The following KPNA5 variants were observed in gnomAD, a reference collection of about 807,000 sequenced individuals.
The protein encoded by KPNA5 is importin subunit alpha-6.
In KPNA5, 46 loss-of-function variants were observed where a neutral mutation model predicts 71.3. That is an observed-to-expected ratio of 0.65 (90% CI 0.51 to 0.83). The LOEUF (loss-of-function observed/expected upper bound fraction) is 0.83, where lower values mean the gene tolerates loss of function less well. KPNA5 is among the 40% of genes least tolerant of loss of function. The pLI, the probability that KPNA5 is intolerant of heterozygous loss-of-function variation, is 0.00. For synonymous variants in KPNA5, 207 were observed against 201.4 expected, an observed-to-expected ratio of 1.03 and a Z score of -0.24; for missense variants, 547 against 628.3, an observed-to-expected ratio of 0.87 and a Z score of 1.38.
At position 116,692,445 on chromosome 6, in the gene KPNA5, G is replaced by C; in HGVS notation, c.340+53G>C. 6.3e-6 allele frequency: 7 copies of C among 1,113,672 alleles called. 1 individual carries two copies. Among genetic ancestry groups the C allele is most frequent in the Non-Finnish European group, 9.2e-6 (7 of 759,404 alleles). 69.0% of individuals were successfully genotyped at this position (1,113,672 alleles called of 1,614,324 possible). A position where few individuals can be genotyped will look rare whatever the true frequency, so the allele number is the denominator to read the frequency against. ...TGATATTACACGATTTTTTAGTAGAGGTTTATTTTATTGTTTTTTTTTAAA... is the reference window on the plus strand; with the variant it reads ...TGATATTACACGATTTTTTAGTAGACGTTTATTTTATTGTTTTTTTTTAAA... On this transcript the variant is annotated intron_variant, in intron 4 of 13. Transcript: ENST00000368564.
In KPNA5 at chr6:116,724,373, C is replaced by T. The variant is rs1016690103; in HGVS notation, c.997C>T (p.Gln333Ter). 1 of 1,602,590 alleles carries T rather than the reference C, an allele frequency of 6.2e-7. No individual in the cohort carries two copies. The highest frequency in any genetic ancestry group is 1.3e-5 in the African/African-American group (1 of 74,706). The part of the protein sequence containing the change: ...NIVTGDDIQT[Q>*]VILNCSALPC... ...TGTGACTGGTGATGATATTCAAACA[C>T]AGGTGAGTTCAAACTTGAGTATCAT... The change falls in exon 10 of 14, where the codon CAG becomes TAG. Residue 333 changes from glutamine (Q) to a stop codon, truncating the protein, a stop_gained and splice_region_variant. Coordinates refer to ENST00000368564, the MANE Select transcript of KPNA5 (RefSeq NM_001366306.2). LOFTEE classifies it high-confidence loss of function.
chr6:116,732,287 G>A lies in KPNA5; in HGVS notation c.1584G>A (p.Gln528=). 6.6e-7 allele frequency: 1 copy of A among 1,525,452 alleles called. No homozygotes were observed. Among genetic ancestry groups the A allele is most frequent in the Non-Finnish European group, 8.8e-7 (1 of 1,133,464 alleles). The allele number at this position is 1,525,452 out of a possible 1,614,324, so 94.5% of individuals were successfully genotyped here. ...AAAACCAACAACAGTTTATATTTCA[G>A]CAGCAGGAAGCACCAATGGATGGAT... ...VDENQQQFIF[Q]QQEAPMDGFQ... is the part of the protein sequence containing the mutation. The change falls in exon 14 of 14, where the codon CAG becomes CAA. Residue 528 remains glutamine (Q), a synonymous_variant. Transcript: ENST00000368564.
Position 116,689,462 on chromosome 6 carries a change from T to G in KPNA5, c.138+9T>G, listed in dbSNP as rs745845039. 6.5e-7 allele frequency: 1 copy of G among 1,542,606 alleles called. No homozygotes were observed. Among genetic ancestry groups the G allele is most frequent in the East Asian group, 2.3e-5 (1 of 43,434 alleles). ...AAAAAAGAGAAGAACAGGTAGGTGT[T>G]TTTAGCTATTTAATTTTGTTTTTTA... On this transcript the variant is annotated intron_variant, in intron 2 of 13. Transcript: ENST00000368564.
Position 116,705,054 on chromosome 6 carries a change from ATT to A in KPNA5, c.568-8_568-7del. 7 of 1,243,432 alleles carry A rather than the reference ATT, an allele frequency of 5.6e-6. No homozygotes were observed. The highest frequency in any genetic ancestry group is 7.8e-6 in the Non-Finnish European group (7 of 902,010). The allele number at this position is 1,243,432 out of a possible 1,614,324, so 77.0% of individuals were successfully genotyped here. A position where few individuals can be genotyped will look rare whatever the true frequency, so the allele number is the denominator to read the frequency against. On this transcript the variant is annotated splice_polypyrimidine_tract_variant and intron_variant, in intron 6 of 13. Coordinates refer to ENST00000368564, the MANE Select transcript of KPNA5 (RefSeq NM_001366306.2). The stretch of plus-strand genomic sequence containing the variant: ...TAATTTAAAATATTGTCTTAAGATA[ATT>A]TTTTTTTTTCCTAAGGCTGTTTGGG...
Position 116,741,522 on chromosome 6 carries a change from C to T in KPNA5, c.*9199C>T, listed in dbSNP as rs1779871576. 1 of 152,176 alleles carries T rather than the reference C, an allele frequency of 6.6e-6. No homozygotes were observed. 9.4% of individuals were successfully genotyped at this position (152,176 alleles called of 1,614,324 possible). ...TTGTGGTAGAAATGACAGACTTTTTCATTGAATGATGAGGACACAGCAGCC... is the reference window on the plus strand; with the variant it reads ...TTGTGGTAGAAATGACAGACTTTTTTATTGAATGATGAGGACACAGCAGCC... On this transcript the variant is annotated 3_prime_UTR_variant, in exon 14 of 14. Transcript: ENST00000368564.
intron 5 of KPNA5, among the ~76,000 whole-genome samples, chr6:116,701,552 A>G (rs190287480): frequency 2.6e-5 from 4 of 152,298 alleles, no homozygotes; most frequent in African/African-American, 9.6e-5. Context: ...CTCAACTTCT[A>G]ATTTTTTTGT....
intron 4 of KPNA5, among the ~76,000 whole-genome samples, chr6:116,696,306 A>T (rs1266986424): frequency 6.6e-6 from 1 of 152,196 alleles, no homozygotes; most frequent in Non-Finnish European, 1.5e-5. Flanking sequence ...AGGCCTAGAA[A>T]AATAATAGAT....
chr6:116,695,096 A>G (rs1490712422), intron 4 of KPNA5, among the ~76,000 whole-genome samples: 1 of 152,050 alleles, frequency 6.6e-6, no homozygotes, highest in African/African-American at 2.4e-5. Flanking sequence ...GACGACAGGC[A>G]TGCATCACCA....
chr6:116,713,770 T>C (rs1778788689), intron 7 of KPNA5, among the ~76,000 whole-genome samples: 1 of 152,144 alleles, frequency 6.6e-6, no homozygotes, highest in South Asian at 2.1e-4. Context: ...AATTAACCTA[T>C]CTTAGGGTTG....
chr6:116,712,704 A>G (rs1451050086), intron 7 of KPNA5, among the ~76,000 whole-genome samples: 2 of 152,110 alleles, frequency 1.3e-5, no homozygotes, highest in African/African-American at 4.8e-5. Context: ...GCCTCAAGCG[A>G]TTCTCCTGCA....
Position 116,738,416 on chromosome 6 carries a change from G to C in KPNA5, c.*6093G>C, listed in dbSNP as rs1779746653. On this transcript the variant is annotated 3_prime_UTR_variant, in exon 14 of 14. Coordinates refer to ENST00000368564, the MANE Select transcript of KPNA5 (RefSeq NM_001366306.2). ...ATGGATTCACAGCTGAATTCTACCA[G>C]AGGTACAAGGAGGAACTGGTACCAT... The C allele has an allele frequency of 1.3e-5, 2 of 151,940 alleles. No individual in the cohort carries two copies. The highest frequency in any genetic ancestry group is 4.8e-5 in the African/African-American group (2 of 41,374). The allele number at this position is 151,940 out of a possible 1,614,324, so 9.4% of individuals were successfully genotyped here.
chr6:116,724,988 A>G (rs1453830365), intron 10 of KPNA5, among the ~76,000 whole-genome samples: 1 of 152,102 alleles, frequency 6.6e-6, no homozygotes, highest in Non-Finnish European at 1.5e-5. Flanking sequence ...CTTACAGTGT[A>G]TTTTTTATTC....
In KPNA5 at chr6:116,733,673, T is replaced by TAA. The variant is rs1165821452; in HGVS notation, c.*1351_*1352insAA. 1 of 151,726 alleles carries TAA rather than the reference T, an allele frequency of 6.6e-6. No homozygotes were observed. The highest frequency in any genetic ancestry group is 1.9e-4 in the East Asian group (1 of 5,188). The allele number at this position is 151,726 out of a possible 1,614,324, so 9.4% of individuals were successfully genotyped here. A position where few individuals can be genotyped will look rare whatever the true frequency, so the allele number is the denominator to read the frequency against. ...AACTCAATCTTTTAATTTATAGTTATACGTAGGCTATTTATGTGTCCAATT... is the reference window on the plus strand; with the variant it reads ...AACTCAATCTTTTAATTTATAGTTATAAACGTAGGCTATTTATGTGTCCAATT... On this transcript the variant is annotated 3_prime_UTR_variant, in exon 14 of 14. Coordinates refer to ENST00000368564, the MANE Select transcript of KPNA5 (RefSeq NM_001366306.2).
In KPNA5 at chr6:116,697,110, C is replaced by T. The variant is rs143729451; in HGVS notation, c.341-1594C>T. ...AAATTTCTGTACATTAAATTTAAAACAAAATAGGATAATATATTTATGATT... is the reference window on the plus strand; with the variant it reads ...AAATTTCTGTACATTAAATTTAAAATAAAATAGGATAATATATTTATGATT... On this transcript the variant is annotated intron_variant, in intron 4 of 13. Transcript: ENST00000368564. Among the ~76,000 whole-genome samples, 40 of 151,768 alleles carry T rather than the reference C, an allele frequency of 2.6e-4. 2 individuals carry two copies. The highest frequency in any genetic ancestry group is 9.7e-4 in the African/African-American group (40 of 41,406).
chr6:116,722,821 GTT>G lies in KPNA5; in HGVS notation c.920+535_920+536del, dbSNP rs1380202641. Among the ~76,000 whole-genome samples, 3 of 152,180 alleles carry G rather than the reference GTT, an allele frequency of 2.0e-5. No individual in the cohort carries two copies. The East Asian group carries it at 5.8e-4, about 29-fold the overall frequency. On this transcript the variant is annotated intron_variant, in intron 9 of 13. Coordinates refer to ENST00000368564, the MANE Select transcript of KPNA5 (RefSeq NM_001366306.2). ...AAGTTAAAAACGTTGAAGAAAACTT[GTT>G]TTAAAAAGATGTTGTAACTTCATAA...
Position 116,698,744 on chromosome 6 carries a change from A to C in KPNA5, c.381A>C (p.Gly127=). ...PPIDQVIQKP[G]VVQRFVKFLE... ...TAGATCAAGTTATACAGAAACCAGG[A>C]GTTGTACAGAGATTTGTGAAATTTC... The change falls in exon 5 of 14, where the codon GGA becomes GGC. Residue 127 remains glycine (G), a synonymous_variant. Coordinates refer to ENST00000368564, the MANE Select transcript of KPNA5 (RefSeq NM_001366306.2). 1.2e-6 allele frequency: 2 copies of C among 1,602,316 alleles called. No homozygotes were observed. The highest frequency in any genetic ancestry group is 1.7e-4 in the Middle Eastern group (1 of 6,014).
chr6:116,710,792 T>C (rs957780384), intron 7 of KPNA5, among the ~76,000 whole-genome samples: 3 of 148,932 alleles, frequency 2.0e-5, no homozygotes, highest in Non-Finnish European at 3.0e-5. Context: ...CTTTTGATGA[T>C]AATATTCTCA....
At chr6:116,722,072 A>C (rs1225097054) in intron 8 of KPNA5, 54 bp from the exon 9 acceptor site, 1 of 1,335,788 alleles carries the variant, frequency 7.5e-7, no homozygotes. Context: ...TTTTCTAAGG[A>C]AACTTGGTTT....
In KPNA5 at chr6:116,734,580, G is replaced by C. The variant is rs764046993; in HGVS notation, c.*2257G>C. The C allele has an allele frequency of 4.0e-5, 6 of 151,400 alleles. No homozygotes were observed. The highest frequency in any genetic ancestry group is 8.9e-5 in the Non-Finnish European group (6 of 67,638). 9.4% of individuals were successfully genotyped at this position (151,400 alleles called of 1,614,324 possible). A position where few individuals can be genotyped will look rare whatever the true frequency, so the allele number is the denominator to read the frequency against. Reference sequence around the variant, plus strand: ...GCAGTTGGGACCAGCTCTTGGCTTGGCTTGGCTTGGCTTATTGTTAAGAGT... The same window carrying C: ...GCAGTTGGGACCAGCTCTTGGCTTGCCTTGGCTTGGCTTATTGTTAAGAGT... On this transcript the variant is annotated 3_prime_UTR_variant, in exon 14 of 14. Transcript: ENST00000368564.
Sources: gnomAD v4.1 joint callset for allele counts (sites outside exome capture counted in the v4.1 genomes callset) on GRCh38, gnomAD v4.1.1 for gene constraint, MANE v1.5 for transcripts, NCBI Gene and HGNC (gene_info 2026-07-23, HGNC 2026-07-21) for gene names.